The following ADAMTS6 variants were observed in gnomAD, a reference collection of about 807,000 sequenced individuals.
ADAMTS6 encodes ADAM metallopeptidase with thrombospondin type 1 motif 6, also known as A disintegrin and metalloproteinase with thrombospondin motifs 6.
A neutral mutation model predicts 144.3 loss-of-function variants in ADAMTS6; 23 were observed. The observed-to-expected ratio is 0.16, with a 90% CI of 0.11 to 0.23. The LOEUF is 0.23. Ranked by LOEUF, ADAMTS6 falls within the 10% of genes least tolerant of loss-of-function variation. ADAMTS6 has a pLI of 1.00. For missense variants in ADAMTS6, 999 were observed against 1,379.6 expected (o/e 0.72, Z 4.37); for synonymous variants, 444 against 457.5 (o/e 0.97, Z 0.38).
chr5:65,416,901 C>A (rs527711652), intron 7 of ADAMTS6, among the ~76,000 whole-genome samples: 68 of 151,806 alleles, frequency 4.5e-4, no homozygotes, highest in Non-Finnish European at 9.0e-4. Context: ...ACTGTAATAC[C>A]AAAACCTGGT....
At chr5:65,200,480 A>G (rs1318144140) in intron 20 of ADAMTS6, among the ~76,000 whole-genome samples, 2 of 152,196 alleles carry the variant, frequency 1.3e-5, no homozygotes, top group Admixed American at 1.3e-4. Flanking sequence ...CCGGTTGGGA[A>G]TAATTACATC....
intron 7 of ADAMTS6, among the ~76,000 whole-genome samples, chr5:65,413,167 A>G (rs765025731): frequency 6.6e-5 from 10 of 152,176 alleles, no homozygotes; most frequent in Non-Finnish European, 1.3e-4. Flanking sequence ...AAAGAATCAC[A>G]GACTAAAACA....
intron 11 of ADAMTS6, among the ~76,000 whole-genome samples, chr5:65,274,215 A>T (rs1314503812): frequency 6.6e-6 from 1 of 152,058 alleles, no homozygotes; most frequent in East Asian, 1.9e-4. Flanking sequence ...ATATTAACAT[A>T]TCAGATTTTA....
intron 18 of ADAMTS6, among the ~76,000 whole-genome samples, chr5:65,218,699 G>A (rs1236453045): frequency 6.6e-6 from 1 of 152,084 alleles, no homozygotes; most frequent in Non-Finnish European, 1.5e-5. Context: ...TGGTAAATAT[G>A]TGGGTAAATA....
chr5:65,344,413 A>G (rs1748129820), intron 7 of ADAMTS6, among the ~76,000 whole-genome samples: 1 of 151,946 alleles, frequency 6.6e-6, no homozygotes, highest in South Asian at 2.1e-4. Context: ...AAAATGGGAT[A>G]TTACATCATT....
At chr5:65,292,298 A>G (rs1003670224) in intron 10 of ADAMTS6, among the ~76,000 whole-genome samples, 1 of 151,906 alleles carries the variant, frequency 6.6e-6, no homozygotes, top group Admixed American at 6.6e-5. Context: ...TTCATTTCAC[A>G]TGTGAGTAAG....
At chr5:65,409,929 T>TTTTTATC (rs533531599) in intron 7 of ADAMTS6, among the ~76,000 whole-genome samples, 150 of 152,180 alleles carry the variant, frequency 9.9e-4, no homozygotes, top group Non-Finnish European at 1.7e-3. Context: ...CAGACTTAGT[T>TTTTTATC]TTTTATCATA....
intron 18 of ADAMTS6, among the ~76,000 whole-genome samples, chr5:65,219,597 G>GTAC (rs1757168169): frequency 6.6e-6 from 1 of 152,114 alleles, no homozygotes; most frequent in South Asian, 2.1e-4. Context: ...TTTAAGAGAT[G>GTAC]GGTATCTCAC....
intron 3 of ADAMTS6, among the ~76,000 whole-genome samples, chr5:65,466,246 C>G (rs1356948856): frequency 6.6e-6 from 1 of 152,106 alleles, no homozygotes; most frequent in Non-Finnish European, 1.5e-5. Flanking sequence ...CCTTTCTGAC[C>G]TCAACTTCCA....
At chr5:65,233,027 T>G (rs1363968521) in intron 15 of ADAMTS6, among the ~76,000 whole-genome samples, 1 of 152,120 alleles carries the variant, frequency 6.6e-6, no homozygotes, top group African/African-American at 2.4e-5. Flanking sequence ...ATCCTGAGGA[T>G]GCAAGGATGG....
chr5:65,338,281 C>T (rs2150071293), intron 7 of ADAMTS6, among the ~76,000 whole-genome samples: 1 of 152,312 alleles, frequency 6.6e-6, no homozygotes, highest in South Asian at 2.1e-4. Flanking sequence ...TTAGGGAAAT[C>T]AGGGTTCCAC....
At chr5:65,231,636 A>T (rs1254794596) in intron 15 of ADAMTS6, among the ~76,000 whole-genome samples, 2 of 152,194 alleles carry the variant, frequency 1.3e-5, no homozygotes, top group African/African-American at 4.8e-5. Context: ...GCCACAAAAC[A>T]AGTCTTAACA....
intron 7 of ADAMTS6, among the ~76,000 whole-genome samples, chr5:65,406,984 G>A (rs1754573773): frequency 1.3e-5 from 2 of 152,166 alleles, no homozygotes; most frequent in Non-Finnish European, 2.9e-5. Flanking sequence ...ATGGGACTAT[G>A]TGAAAAGACC....
intron 20 of ADAMTS6, among the ~76,000 whole-genome samples, chr5:65,205,864 A>G (rs1425508049): frequency 2.6e-5 from 4 of 152,198 alleles, no homozygotes; most frequent in African/African-American, 9.6e-5. Context: ...TAACAGAGAC[A>G]GAGGAAGGAA....
Position 65,269,766 on chromosome 5 carries a change from C to T in ADAMTS6, c.1620+3574G>A, listed in dbSNP as rs1429747758. The stretch of plus-strand genomic sequence containing the variant: ...AGAATGATTGTAAAGTACTTAGCAA[C>T]ATGTGATGGGCATAGTGTAAGTACT... On this transcript the variant is annotated intron_variant, in intron 12 of 24. Transcript: ENST00000381055. 2.0e-5 allele frequency among the ~76,000 whole-genome samples: 3 copies of T among 150,102 alleles called. No homozygotes were observed. The East Asian group carries it at 5.8e-4, about 29-fold the overall frequency.
At chr5:65,410,603 C>A (rs1303576542) in intron 7 of ADAMTS6, among the ~76,000 whole-genome samples, 1 of 152,026 alleles carries the variant, frequency 6.6e-6, no homozygotes, top group Non-Finnish European at 1.5e-5. Flanking sequence ...TTAACTATAG[C>A]CACCATGATG....
chr5:65,186,116 C>T (rs68189167), intron 22 of ADAMTS6, among the ~76,000 whole-genome samples: 27,702 of 151,896 alleles, frequency 0.18, 2,643 homozygotes, highest in Middle Eastern at 0.24. Context: ...TTTCATTATC[C>T]ACTCTTTGTG....
At chr5:65,418,204 A>G (rs1755704291) in intron 7 of ADAMTS6, among the ~76,000 whole-genome samples, 2 of 152,210 alleles carry the variant, frequency 1.3e-5, no homozygotes, top group Admixed American at 1.3e-4. Context: ...TTTACTATAT[A>G]TAAAAATTAA....
At chr5:65,258,543 G>A (rs952771312) in intron 14 of ADAMTS6, among the ~76,000 whole-genome samples, 3 of 152,128 alleles carry the variant, frequency 2.0e-5, no homozygotes, top group African/African-American at 7.2e-5. Flanking sequence ...CTCCTATATC[G>A]AGGACTGGAT....
Sources: gnomAD v4.1 joint callset for allele counts (sites outside exome capture counted in the v4.1 genomes callset) on GRCh38, gnomAD v4.1.1 for gene constraint, MANE v1.5 for transcripts, NCBI Gene and HGNC (gene_info 2026-07-23, HGNC 2026-07-21) for gene names.